Variants in SLC25A26 observed in about 807,000 individuals in gnomAD.
The protein encoded by SLC25A26 is mitochondrial S-adenosylmethionine carrier protein.
Under a neutral mutation model 37.8 loss-of-function variants are expected in SLC25A26, and 36 were observed. The ratio of observed to expected loss-of-function variants is 0.95; its 90% confidence interval spans 0.73 to 1.26. SLC25A26 has a LOEUF of 1.26. SLC25A26 is among the 50% of genes most tolerant of loss of function. The probability of loss-of-function intolerance (pLI) is 0.00; values close to 1 mark genes in which losing one functional copy is unlikely to be tolerated. For missense variants in SLC25A26, 390 were observed against 331.1 expected, an observed-to-expected ratio of 1.18 and a Z score of -1.38; for synonymous variants, 129 against 122.5, an observed-to-expected ratio of 1.05 and a Z score of -0.35.
intron 5 of SLC25A26, among the ~76,000 whole-genome samples, chr3:66,298,728 G>C (rs1209558905): frequency 6.6e-6 from 1 of 152,114 alleles, no homozygotes. Flanking sequence ...TGTTAGGAAA[G>C]ATCACAAACA....
intron 5 of SLC25A26, among the ~76,000 whole-genome samples, chr3:66,267,406 G>C (rs186863319): frequency 5.3e-4 from 81 of 152,260 alleles, no homozygotes; most frequent in Non-Finnish European, 8.7e-4. Flanking sequence ...AGCACGAAGT[G>C]GGGTGTTTGC....
At chr3:66,231,709 ATTAAT>A (rs1434562635) in intron 1 of SLC25A26, among the ~76,000 whole-genome samples, 5 of 151,848 alleles carry the variant, frequency 3.3e-5, no homozygotes, top group South Asian at 2.1e-4. Flanking sequence ...AGCTAATTTG[ATTAAT>A]TTAAGAATAT....
At chr3:66,330,743 A>G (rs1011741149) in intron 5 of SLC25A26, among the ~76,000 whole-genome samples, 2 of 152,088 alleles carry the variant, frequency 1.3e-5, no homozygotes, top group African/African-American at 4.8e-5. Flanking sequence ...AAGTTAAATG[A>G]ATGCCATGAA....
At chr3:66,318,718 A>G (rs112937155) in intron 5 of SLC25A26, among the ~76,000 whole-genome samples, 9 of 152,006 alleles carry the variant, frequency 5.9e-5, no homozygotes, top group African/African-American at 1.4e-4. Context: ...GCTGGAGTGC[A>G]CTGTCTCATC....
In SLC25A26 at chr3:66,266,689, A is replaced by G. The variant is rs1014327215; in HGVS notation, c.453+3310A>G. ...TGTGAATTTTAGATGGAGTCTAAACAAGGTCAGCAGATTACACTACCTCAT... is the reference window on the plus strand; with the variant it reads ...TGTGAATTTTAGATGGAGTCTAAACGAGGTCAGCAGATTACACTACCTCAT... On this transcript the variant is annotated intron_variant, in intron 5 of 9. Transcript: ENST00000354883. Among the ~76,000 whole-genome samples, 9 of 151,464 alleles carry G rather than the reference A, an allele frequency of 5.9e-5. No individual in the cohort carries two copies. The Admixed American group carries it at 6.0e-4, about 10-fold the overall frequency.
Position 66,370,534 on chromosome 3 carries a change from C to T in SLC25A26, c.639C>T (p.Gly213=), listed in dbSNP as rs1397591799. 4.3e-6 allele frequency: 7 copies of T among 1,613,732 alleles called. No homozygotes were observed. In the South Asian group the frequency reaches 7.7e-5, roughly 18 times the overall value. The stretch of plus-strand genomic sequence containing the variant: ...CTCTTTGTCTGTTCACACAGGCTGG[C>T]TCCAGCACTGCTGATGGGAATGTGC... ...AKTRITLAKA[G]SSTADGNVLS... Residue 213 remains glycine, a synonymous_variant, in exon 9 of 10, where the codon GGC becomes GGT. Transcript: ENST00000354883.
intron 5 of SLC25A26, among the ~76,000 whole-genome samples, chr3:66,321,645 T>G (rs1269617208): frequency 6.6e-6 from 1 of 152,174 alleles, no homozygotes; most frequent in Non-Finnish European, 1.5e-5. Flanking sequence ...AGGTTGATAC[T>G]TGATTCATGG....
upstream of SLC25A26, among the ~76,000 whole-genome samples, chr3:66,216,909 C>A (rs1361927712): frequency 2.7e-4 from 41 of 152,124 alleles, 1 homozygote; most frequent in Non-Finnish European, 2.9e-5. Context: ...AAAGCATGCA[C>A]AAGTAGTAAT....
chr3:66,228,322 G>T (rs1223507294), intron 1 of SLC25A26, among the ~76,000 whole-genome samples: 1 of 152,096 alleles, frequency 6.6e-6, no homozygotes, highest in Admixed American at 6.6e-5. Flanking sequence ...AGGCATACTT[G>T]GAAAGTTTTA....
chr3:66,377,882 G>C lies in SLC25A26; in HGVS notation c.*75G>C. The C allele has an allele frequency of 7.9e-6, 9 of 1,144,198 alleles. No individual in the cohort carries two copies. The highest frequency in any genetic ancestry group is 2.3e-5 in the East Asian group (1 of 42,616). 70.9% of individuals were successfully genotyped at this position (1,144,198 alleles called of 1,614,324 possible). On this transcript the variant is annotated 3_prime_UTR_variant, in exon 10 of 10. Coordinates refer to ENST00000354883, the MANE Select transcript of SLC25A26 (RefSeq NM_001379210.1). ...GCAAACCCTCTTCCGCTGAGCAGCT[G>C]TCTGAACTATAGGCCCCAGTGCTGA...
intron 1 of SLC25A26, among the ~76,000 whole-genome samples, chr3:66,230,393 G>C (rs1031506419): frequency 6.6e-6 from 1 of 152,126 alleles, no homozygotes; most frequent in African/African-American, 2.4e-5. Context: ...GTGGCATTGG[G>C]TTGCAGCTTT....
At chr3:66,226,631 A>G (rs140523235) in intron 1 of SLC25A26, among the ~76,000 whole-genome samples, 1 of 151,852 alleles carries the variant, frequency 6.6e-6, no homozygotes, top group Non-Finnish European at 1.5e-5. Context: ...TTAATTAAAA[A>G]TTTTCTTGTT....
chr3:66,356,131 A>G (rs944587037), intron 6 of SLC25A26: 28 of 456,020 alleles, frequency 6.1e-5, no homozygotes, highest in African/African-American at 5.2e-4. Context: ...TCAGTGTGTT[A>G]TTCATAAGAC....
chr3:66,204,322 A>T (rs1267326692), intron 1 of SLC25A26, among the ~76,000 whole-genome samples: 1 of 148,842 alleles, frequency 6.7e-6, no homozygotes, highest in African/African-American at 2.5e-5. Flanking sequence ...GCTACTCGGG[A>T]GGCTGAGGCA....
intron 1 of SLC25A26, among the ~76,000 whole-genome samples, chr3:66,226,272 G>A (rs1447637104): frequency 3.3e-5 from 5 of 152,182 alleles, no homozygotes; most frequent in Admixed American, 3.3e-4. Flanking sequence ...GCAGATGAGA[G>A]CGTATGCAGG....
chr3:66,346,752 G>GTGTA (rs1437356934), intron 6 of SLC25A26, among the ~76,000 whole-genome samples: 1 of 144,898 alleles, frequency 6.9e-6, no homozygotes, highest in East Asian at 1.9e-4. Context: ...GTGTGTGTGT[G>GTGTA]TGTGTGTGTT....
intron 1 of SLC25A26, among the ~76,000 whole-genome samples, chr3:66,149,144 CCACT>C (rs1369152328): frequency 6.6e-6 from 1 of 152,000 alleles, no homozygotes; most frequent in Non-Finnish European, 1.5e-5. Flanking sequence ...CCCATTGGGG[CCACT>C]CAGAGTTTTT....
intron 1 of SLC25A26, among the ~76,000 whole-genome samples, chr3:66,145,346 A>G (rs73835525): frequency 1.3e-5 from 2 of 152,210 alleles, no homozygotes; most frequent in Non-Finnish European, 2.9e-5. Context: ...ACTTGGGCCA[A>G]TAAAGGCAGT....
chr3:66,270,302 GA>G (rs967988896), intron 5 of SLC25A26, among the ~76,000 whole-genome samples: 3 of 151,578 alleles, frequency 2.0e-5, no homozygotes, highest in East Asian at 1.9e-4. Flanking sequence ...TACTGAAAAG[GA>G]AAAAAAATGA....
Sources: gnomAD v4.1 joint callset for allele counts (sites outside exome capture counted in the v4.1 genomes callset) on GRCh38, gnomAD v4.1.1 for gene constraint, MANE v1.5 for transcripts, NCBI Gene and HGNC (gene_info 2026-07-23, HGNC 2026-07-21) for gene names.